MCC: variants seen among roughly 807,000 people sequenced by gnomAD.
The protein encoded by MCC is MCC regulator of Wnt signaling pathway, also known as colorectal mutant cancer protein.
MCC carries 90 observed loss-of-function variants against 116.2 expected under a neutral mutation model. The observed-to-expected ratio is 0.77, with a 90% CI of 0.65 to 0.92. The LOEUF is 0.92. Ranked by LOEUF, MCC falls within the 40% of genes least tolerant of loss-of-function variation. The pLI is 0.00. For synonymous variants in MCC, 578 were observed against 510.5 expected (o/e 1.13, Z -1.78); for missense variants, 1,516 against 1,312.2 (o/e 1.16, Z -2.40).
At chr5:113,242,078 C>G (rs1581304479) in intron 3 of MCC, among the ~76,000 whole-genome samples, 1 of 151,518 alleles carries the variant, frequency 6.6e-6, no homozygotes, top group South Asian at 2.1e-4. Flanking sequence ...TAACTCCTTA[C>G]TGGTGCTAAC....
At chr5:113,139,734 C>G (rs929233286) in intron 5 of MCC, among the ~76,000 whole-genome samples, 2 of 152,124 alleles carry the variant, frequency 1.3e-5, no homozygotes, top group African/African-American at 2.4e-5. Flanking sequence ...TACCATTTGA[C>G]CTAGCAATCC....
intron 2 of MCC, among the ~76,000 whole-genome samples, chr5:113,379,320 A>T (rs1769058772): frequency 6.6e-6 from 1 of 152,214 alleles, no homozygotes; most frequent in Non-Finnish European, 1.5e-5. Flanking sequence ...ATTCTAGATG[A>T]GGAAAGTAGT....
At chr5:113,067,876 G>C (rs1220522404) in intron 13 of MCC, among the ~76,000 whole-genome samples, 1 of 152,228 alleles carries the variant, frequency 6.6e-6, no homozygotes, top group African/African-American at 2.4e-5. Flanking sequence ...GTTTTAACTT[G>C]TCTGTTATTC....
chr5:113,055,682 C>G (rs1752785789), intron 14 of MCC, among the ~76,000 whole-genome samples: 1 of 152,226 alleles, frequency 6.6e-6, no homozygotes. Flanking sequence ...TAAACACCAT[C>G]TCTTCAGAGG....
intron 3 of MCC, among the ~76,000 whole-genome samples, chr5:113,216,842 G>A (rs1438504508): frequency 1.3e-5 from 2 of 152,308 alleles, no homozygotes; most frequent in East Asian, 1.9e-4. Flanking sequence ...CTTAGTTAAG[G>A]TGCTCACTCT....
chr5:113,221,834 C>A (rs1407244326), intron 3 of MCC, among the ~76,000 whole-genome samples: 2 of 152,076 alleles, frequency 1.3e-5, no homozygotes, highest in African/African-American at 4.8e-5. Flanking sequence ...AACTGTGATC[C>A]TCGAACATTT....
At chr5:113,344,423 C>A (rs560174676) in intron 2 of MCC, among the ~76,000 whole-genome samples, 1 of 152,192 alleles carries the variant, frequency 6.6e-6, no homozygotes, top group South Asian at 2.1e-4. Flanking sequence ...TGGACTAGGG[C>A]AGCATATGAC....
chr5:113,395,369 C>T (rs1561550341), intron 1 of MCC, among the ~76,000 whole-genome samples: 1 of 151,490 alleles, frequency 6.6e-6, no homozygotes, highest in African/African-American at 2.4e-5. Flanking sequence ...TTCACTATGC[C>T]AAAAGAAAAA....
chr5:113,376,730 C>T (rs533782765), intron 2 of MCC, among the ~76,000 whole-genome samples: 1 of 152,136 alleles, frequency 6.6e-6, no homozygotes, highest in South Asian at 2.1e-4. Flanking sequence ...CACTCATTCG[C>T]CTTTCTGGTA....
chr5:113,310,387 G>A (rs1026160209), intron 3 of MCC, among the ~76,000 whole-genome samples: 1 of 152,146 alleles, frequency 6.6e-6, no homozygotes, highest in Non-Finnish European at 1.5e-5. Context: ...TCCTTCTAGC[G>A]CCTTGCTTTT....
chr5:113,472,348 C>G, intron 1 of MCC, among the ~76,000 whole-genome samples: 1 of 152,158 alleles, frequency 6.6e-6, no homozygotes, highest in East Asian at 1.9e-4. Context: ...ACAAACTTAC[C>G]CCTGAATAGA....
Position 113,026,832 on chromosome 5 carries a change from T to G in MCC, c.*470A>C, listed in dbSNP as rs1269642616. 2 of 155,426 alleles carry G rather than the reference T, an allele frequency of 1.3e-5. No homozygotes were observed. Among genetic ancestry groups the G allele is most frequent in the Non-Finnish European group, 1.4e-5 (1 of 70,340 alleles). 9.6% of individuals were successfully genotyped at this position (155,426 alleles called of 1,614,324 possible). Reference sequence around the variant, plus strand: ...GCTGTAGTAAACAAATCAGCAGTCCTTTTAAATGCTGGAGGCACACACAGG... The same window carrying G: ...GCTGTAGTAAACAAATCAGCAGTCCGTTTAAATGCTGGAGGCACACACAGG... On this transcript the variant is annotated 3_prime_UTR_variant, in exon 19 of 19. Transcript: ENST00000408903.
At chr5:113,100,317 A>G (rs1391098350) in intron 8 of MCC, among the ~76,000 whole-genome samples, 1 of 152,200 alleles carries the variant, frequency 6.6e-6, no homozygotes, top group Non-Finnish European at 1.5e-5. Flanking sequence ...AACTAAGAAT[A>G]CTTACAAATG....
intron 14 of MCC, among the ~76,000 whole-genome samples, chr5:113,057,995 A>G (rs563345359): frequency 6.6e-6 from 1 of 152,208 alleles, no homozygotes; most frequent in Non-Finnish European, 1.5e-5. Flanking sequence ...CCTTCCTTGT[A>G]AACCTGGGAC....
At chr5:113,141,988 G>C (rs1031520557) in intron 5 of MCC, among the ~76,000 whole-genome samples, 7 of 150,708 alleles carry the variant, frequency 4.6e-5, no homozygotes, top group African/African-American at 1.7e-4. Flanking sequence ...ATTCTTCTCT[G>C]CTCATGTACT....
intron 1 of MCC, among the ~76,000 whole-genome samples, chr5:113,460,652 A>G (rs1771718939): frequency 6.6e-6 from 1 of 152,208 alleles, no homozygotes; most frequent in Admixed American, 6.5e-5. Context: ...AAAGATGCTC[A>G]CAGAGTTCAA....
In MCC at chr5:113,026,932, A is replaced by G. The variant is rs1033110269; in HGVS notation, c.*370T>C. ...GATGAGCCCAGCATCTACCAAAAAG[A>G]GGATACAATGGAAAATCTTACAGAA... On this transcript the variant is annotated 3_prime_UTR_variant, in exon 19 of 19. Transcript: ENST00000408903. The G allele has an allele frequency of 5.1e-6, 1 of 197,022 alleles. No individual in the cohort carries two copies. The highest frequency in any genetic ancestry group is 2.3e-5 in the African/African-American group (1 of 43,042). The allele number at this position is 197,022 out of a possible 1,614,324, so 12.2% of individuals were successfully genotyped here.
intron 3 of MCC, among the ~76,000 whole-genome samples, chr5:113,323,928 G>C (rs915624749): frequency 7.2e-5 from 11 of 152,204 alleles, no homozygotes; most frequent in Non-Finnish European, 1.3e-4. Context: ...CTGTAGTGTG[G>C]AAAGGACCAC....
intron 14 of MCC, among the ~76,000 whole-genome samples, chr5:113,062,551 C>T (rs1445410065): frequency 6.6e-6 from 1 of 152,210 alleles, no homozygotes; most frequent in African/African-American, 2.4e-5. Context: ...CACAGCATCA[C>T]TGACAACATG....
Sources: allele counts gnomAD v4.1 joint callset (sites outside exome capture counted in the v4.1 genomes callset), GRCh38; gene constraint gnomAD v4.1.1; transcripts MANE v1.5; gene names NCBI Gene and HGNC (gene_info 2026-07-23, HGNC 2026-07-21).